The following PM20D2 variants were observed in gnomAD, a reference collection of about 807,000 sequenced individuals.
PM20D2 encodes the protein xaa-Arg dipeptidase.
Under a neutral mutation model 42.9 loss-of-function variants are expected in PM20D2, and 33 were observed. The ratio of observed to expected loss-of-function variants is 0.77; its 90% CI spans 0.58 to 1.03. The LOEUF is 1.03. PM20D2 is among the 50% of genes least tolerant of loss of function. The pLI is 0.00. For synonymous variants in PM20D2, 250 were observed against 228.2 expected (o/e 1.10, Z -0.86); for missense variants, 548 against 557.0 (o/e 0.98, Z 0.16).
At chr6:89,146,672 G>A in intron 1 of PM20D2, 63 bp downstream of exon 1, 2 of 1,279,250 alleles carry the variant, frequency 1.6e-6, no homozygotes, top group Non-Finnish European at 2.0e-6. Context: ...ACCCGGGAAG[G>A]GCGGGACTCT....
upstream of PM20D2, among the ~76,000 whole-genome samples, chr6:89,145,361 A>G (rs1040696492): frequency 6.6e-6 from 1 of 152,252 alleles, no homozygotes; most frequent in Non-Finnish European, 1.5e-5. Flanking sequence ...TCCCTTTCAA[A>G]GCTGTTCAAG....
In PM20D2 at chr6:89,146,254, G is replaced by T; in HGVS notation, c.110G>T (p.Arg37Leu). The change falls in exon 1 of 7, where the codon CGG (arginine) becomes CTG (leucine). Residue 37 changes from arginine (R) to leucine (L), a missense_variant. Physicochemically the swap from Arg to Leu is moderately radical, Grantham distance 102 (BLOSUM62 -2). Around this residue, in one of 3 missense-constraint regions of PM20D2, gnomAD observed 470 missense variants for 464.4 expected, o/e 1.01. Transcript: ENST00000275072. ...SAECIDEAAE[R>L]LGALSRAIWS... is the part of the protein sequence containing the mutation. ...GAGTGCATCGACGAGGCGGCCGAGC[G>T]GCTGGGGGCCCTGAGCCGCGCGATC... 1 of 1,578,894 alleles carries T rather than the reference G, an allele frequency of 6.3e-7. No homozygotes were observed.
chr6:89,159,464 T>G (rs2127781522), intron 5 of PM20D2, among the ~76,000 whole-genome samples: 1 of 152,230 alleles, frequency 6.6e-6, no homozygotes, highest in Non-Finnish European at 1.5e-5. Context: ...ATTCATGAAT[T>G]GTCTGGAAGA....
chr6:89,164,993 A>G lies in PM20D2; in HGVS notation c.*2730A>G, dbSNP rs909775005. Reference sequence around the variant, plus strand: ...CCCAGAAAGCTTGTGGTGGGTGGTAAGTTCTCACGAGATTTATTTATCTGA... The same window carrying G: ...CCCAGAAAGCTTGTGGTGGGTGGTAGGTTCTCACGAGATTTATTTATCTGA... On this transcript the variant is annotated 3_prime_UTR_variant, in exon 7 of 7. Transcript: ENST00000275072. The G allele has an allele frequency of 6.6e-6, 1 of 151,778 alleles. No homozygotes were observed. Among genetic ancestry groups the G allele is most frequent in the African/African-American group, 2.4e-5 (1 of 41,312 alleles). The allele number at this position is 151,778 out of a possible 1,614,324, so 9.4% of individuals were successfully genotyped here.
the PM20D2 span, among the ~76,000 whole-genome samples, chr6:89,122,377 A>C: frequency 6.6e-6 from 1 of 152,226 alleles, no homozygotes; most frequent in East Asian, 1.9e-4. Flanking sequence ...CCTAATTACC[A>C]TGGATAATCA....
the PM20D2 span, among the ~76,000 whole-genome samples, chr6:89,126,754 C>G: frequency 6.6e-6 from 1 of 151,790 alleles, no homozygotes; most frequent in Non-Finnish European, 1.5e-5. Flanking sequence ...CATTTGGCAC[C>G]CCTTATGGCC....
At chr6:89,133,595 T>C in the PM20D2 span, among the ~76,000 whole-genome samples, 2 of 151,182 alleles carry the variant, frequency 1.3e-5, no homozygotes, top group East Asian at 3.8e-4. Context: ...GATATGAATA[T>C]GACCACATTC....
chr6:89,101,109 CAA>C, the PM20D2 span, among the ~76,000 whole-genome samples: 7,747 of 54,574 alleles, frequency 0.14, 557 homozygotes, highest in African/African-American at 0.33. Flanking sequence ...ACCTCCAAGA[CAA>C]AAAAAAAAAA....
the PM20D2 span, among the ~76,000 whole-genome samples, chr6:89,102,538 T>C: frequency 6.6e-6 from 1 of 152,056 alleles, no homozygotes; most frequent in Non-Finnish European, 1.5e-5. Context: ...ATTCATTTTG[T>C]AGACAGCTGT....
At chr6:89,140,396 A>G in the PM20D2 span, among the ~76,000 whole-genome samples, 1 of 152,232 alleles carries the variant, frequency 6.6e-6, no homozygotes, top group Non-Finnish European at 1.5e-5. Context: ...TGAAATATGT[A>G]GCAACAAATT....
chr6:89,156,579 AAGCATATGTTACGTGTCCTG>A (rs1260451249), intron 4 of PM20D2, among the ~76,000 whole-genome samples: 3 of 152,208 alleles, frequency 2.0e-5, no homozygotes, highest in African/African-American at 7.2e-5. Context: ...AATTCTCAGA[AAGCATATGTTACGTGTCCTG>A]AGAGTAGTGT....
intron 5 of PM20D2, among the ~76,000 whole-genome samples, chr6:89,160,137 T>G (rs181323352): frequency 1.3e-5 from 2 of 152,280 alleles, no homozygotes; most frequent in Non-Finnish European, 2.9e-5. Context: ...GCTTTTTCCA[T>G]CCTGTTCACT....
chr6:89,147,337 ATCGTCAT>A (rs1770622665), intron 1 of PM20D2, among the ~76,000 whole-genome samples: 1 of 152,220 alleles, frequency 6.6e-6, no homozygotes. Flanking sequence ...CTAAGATTCA[ATCGTCAT>A]TCAGTTAAGG....
the PM20D2 span, among the ~76,000 whole-genome samples, chr6:89,129,588 ATT>A: frequency 0.015 from 1,574 of 106,694 alleles, 10 homozygotes; most frequent in African/African-American, 0.038. Flanking sequence ...TCTGTTTCTA[ATT>A]TTTTTTTTTT....
Position 89,146,192 on chromosome 6 carries a change from C to G in PM20D2, c.48C>G (p.Gly16=). 6.5e-7 allele frequency: 1 copy of G among 1,544,860 alleles called. No homozygotes were observed. The highest frequency in any genetic ancestry group is 8.7e-7 in the Non-Finnish European group (1 of 1,153,578). ...ERPVEGGACN[G]RSELELLKLR... Reference sequence around the variant, plus strand: ...CCGTGGAAGGGGGCGCGTGCAATGGCCGCTCCGAGCTGGAGCTACTGAAGC... The same window carrying G: ...CCGTGGAAGGGGGCGCGTGCAATGGGCGCTCCGAGCTGGAGCTACTGAAGC... Residue 16 remains glycine (G), a synonymous_variant, in exon 1 of 7, where the codon GGC becomes GGG. Coordinates refer to ENST00000275072, the MANE Select transcript of PM20D2 (RefSeq NM_001010853.3).
the PM20D2 span, among the ~76,000 whole-genome samples, chr6:89,140,130 T>TG: frequency 1.3e-5 from 2 of 151,906 alleles, no homozygotes; most frequent in African/African-American, 2.4e-5. Context: ...TTTGTAGAGA[T>TG]GGGGGGGTGG....
At chr6:89,122,621 T>C in the PM20D2 span, among the ~76,000 whole-genome samples, 61 of 152,244 alleles carry the variant, frequency 4.0e-4, no homozygotes, top group Non-Finnish European at 5.1e-4. Context: ...ACTAGTTTTG[T>C]TTATTACTGT....
At chr6:89,132,383 GT>G in the PM20D2 span, among the ~76,000 whole-genome samples, 67 of 151,556 alleles carry the variant, frequency 4.4e-4, 6 homozygotes, top group African/African-American at 1.6e-3. Context: ...CAAGGAGGCA[GT>G]TCCTGTGGAG....
intron 4 of PM20D2, among the ~76,000 whole-genome samples, chr6:89,155,655 T>G (rs1245232184): frequency 2.0e-5 from 3 of 152,126 alleles, no homozygotes; most frequent in Admixed American, 6.5e-5. Context: ...CTTGCTGGAA[T>G]GGAAGATAAA....
Sources: gnomAD v4.1 joint callset for allele counts (sites outside exome capture counted in the v4.1 genomes callset) on GRCh38, gnomAD v4.1.1 for gene constraint, gnomAD v4.1.1 regional missense constraint, MANE v1.5 for transcripts, NCBI Gene and HGNC (gene_info 2026-07-23, HGNC 2026-07-21) for gene names.